FGF14: variants seen among roughly 807,000 people sequenced by gnomAD.
FGF14 encodes fibroblast growth factor homologous factor 4.
In FGF14, 5 loss-of-function variants were observed where a neutral mutation model predicts 25.5. The ratio of observed to expected loss-of-function variants is 0.20; its 90% CI spans 0.10 to 0.41. The LOEUF is 0.41. FGF14 is among the 10% of genes least tolerant of loss of function. The probability of loss-of-function intolerance (pLI) is 1.00; values close to 1 mark genes in which losing one functional copy is unlikely to be tolerated. For missense variants in FGF14, 222 were observed against 320.1 expected (o/e 0.69, Z 2.34); for synonymous variants, 138 against 118.3 (o/e 1.17, Z -1.08).
intron 1 of FGF14, among the ~76,000 whole-genome samples, chr13:102,344,556 A>C (rs1351288716): frequency 6.6e-6 from 1 of 152,262 alleles, no homozygotes. Context: ...ATTTGCTCTC[A>C]TATCCTGTTT....
Position 101,716,468 on chromosome 13 carries a change from T to C in FGF14, c.*6363A>G, listed in dbSNP as rs2034726851. 6.6e-6 allele frequency: 1 copy of C among 152,186 alleles called. No homozygotes were observed. Among genetic ancestry groups the C allele is most frequent in the Non-Finnish European group, 1.5e-5 (1 of 68,020 alleles). The allele number at this position is 152,186 out of a possible 1,614,324, so 9.4% of individuals were successfully genotyped here. ...TATACTCTGTGTCAGTATATATATC[T>C]ACTGATAATTAAAAATGAATTGTTA... On this transcript the variant is annotated 3_prime_UTR_variant, in exon 5 of 5. Transcript: ENST00000376143.
chr13:101,952,788 T>C (rs1384471634), intron 1 of FGF14, among the ~76,000 whole-genome samples: 2 of 152,164 alleles, frequency 1.3e-5, no homozygotes, highest in Non-Finnish European at 2.9e-5. Context: ...CCCAGCACTT[T>C]AGGAGGCCAA....
At chr13:102,200,962 C>T (rs973914332) in intron 1 of FGF14, among the ~76,000 whole-genome samples, 2 of 151,678 alleles carry the variant, frequency 1.3e-5, no homozygotes, top group Non-Finnish European at 2.9e-5. Flanking sequence ...ATTAGCCAGG[C>T]GTGGTGGGGG....
chr13:101,775,320 T>C (rs1042387773), intron 3 of FGF14, among the ~76,000 whole-genome samples: 1 of 152,138 alleles, frequency 6.6e-6, no homozygotes, highest in Non-Finnish European at 1.5e-5. Flanking sequence ...ACTTAGCAAT[T>C]TGATGAACCT....
At position 101,722,724 on chromosome 13, in the gene FGF14, T is replaced by C; in HGVS notation, c.*107A>G. The C allele has an allele frequency of 6.8e-7, 1 of 1,472,566 alleles. No individual in the cohort carries two copies. The highest frequency in any genetic ancestry group is 9.4e-7 in the Non-Finnish European group (1 of 1,059,216). The allele number at this position is 1,472,566 out of a possible 1,614,324, so 91.2% of individuals were successfully genotyped here. On this transcript the variant is annotated 3_prime_UTR_variant, in exon 5 of 5. Transcript: ENST00000376143. ...TTCGGAGACAGCAAAGAATAAGCAT[T>C]AGCTTACTTCCTGCTGCTCTTCAGC...
intron 1 of FGF14, among the ~76,000 whole-genome samples, chr13:102,198,921 CTT>C (rs925129569): frequency 3.9e-5 from 6 of 152,214 alleles, no homozygotes; most frequent in African/African-American, 1.4e-4. Context: ...ACTCCTCACT[CTT>C]TGTCAAACTC....
At chr13:102,142,255 T>G (rs757600683) in intron 1 of FGF14, among the ~76,000 whole-genome samples, 1 of 152,180 alleles carries the variant, frequency 6.6e-6, no homozygotes, top group Non-Finnish European at 1.5e-5. Flanking sequence ...TTGCAAATAT[T>G]AGATATATAT....
rs199886185 is a variant in FGF14 at position 101,783,958 on chromosome 13, TTTG to T, written c.409-57151_409-57149del. On this transcript the variant is annotated intron_variant, in intron 3 of 4. Transcript: ENST00000376143. ...GAATGAATCCTTTCCCCATTGCTTTTTTGTTGTTGTTGTTAGGTTTGTCAAAGA... is the reference window on the plus strand; with the variant it reads ...GAATGAATCCTTTCCCCATTGCTTTTTTGTTGTTGTTAGGTTTGTCAAAGA... Among the ~76,000 whole-genome samples, 70 of 152,284 alleles carry T rather than the reference TTTG, an allele frequency of 4.6e-4. No individual in the cohort carries two copies. In the East Asian group the frequency reaches 9.1e-3, roughly 20 times the overall value.
In FGF14 at chr13:102,356,248, T is replaced by C. The variant is rs533766834; in HGVS notation, c.208+45223A>G. ...GCTAGACCCAGAAAACATCACTTCT[T>C]CCTTAATACAATTCTTTGCTCCTTA... On this transcript the variant is annotated intron_variant, in intron 1 of 4. Coordinates refer to the FGF14 transcript ENST00000376131. Among the ~76,000 whole-genome samples the C allele has an allele frequency of 3.9e-5, 6 of 152,342 alleles. No homozygotes were observed. In the East Asian group the frequency reaches 1.2e-3, roughly 29 times the overall value.
At chr13:102,356,976 G>C (rs940044729) in intron 1 of FGF14, among the ~76,000 whole-genome samples, 1 of 147,928 alleles carries the variant, frequency 6.8e-6, no homozygotes, top group African/African-American at 2.5e-5. Context: ...CATATCTGTA[G>C]ATACTTCTTA....
intron 3 of FGF14, among the ~76,000 whole-genome samples, chr13:101,753,803 C>CAA (rs34402522): frequency 1.2e-3 from 137 of 110,608 alleles, no homozygotes; most frequent in African/African-American, 2.4e-3. Context: ...AACTCCGTCT[C>CAA]AAAAAAAAAA....
intron 1 of FGF14, among the ~76,000 whole-genome samples, chr13:102,345,352 T>A (rs895202090): frequency 2.0e-5 from 3 of 152,256 alleles, no homozygotes; most frequent in African/African-American, 2.4e-5. Context: ...GCAAATGCGA[T>A]GATGAGTTTA....
intron 1 of FGF14, among the ~76,000 whole-genome samples, chr13:102,393,537 G>A (rs1038753088): frequency 3.9e-5 from 6 of 152,074 alleles, no homozygotes; most frequent in African/African-American, 1.4e-4. Flanking sequence ...TTTCCCAATA[G>A]CATGGATATG....
At chr13:101,908,101 G>A (rs1295759408) in intron 1 of FGF14, among the ~76,000 whole-genome samples, 1 of 152,114 alleles carries the variant, frequency 6.6e-6, no homozygotes, top group Admixed American at 6.5e-5. Flanking sequence ...TTGAAGGGAA[G>A]TAAGGTAAGA....
At chr13:102,194,667 A>G (rs1173648562) in intron 1 of FGF14, among the ~76,000 whole-genome samples, 1 of 152,232 alleles carries the variant, frequency 6.6e-6, no homozygotes, top group African/African-American at 2.4e-5. Flanking sequence ...AGAAGAAGTA[A>G]AAGAGAAAAA....
chr13:101,888,884 T>A (rs1277287147), intron 1 of FGF14, among the ~76,000 whole-genome samples: 2 of 152,188 alleles, frequency 1.3e-5, no homozygotes, highest in African/African-American at 4.8e-5. Flanking sequence ...AAAACTCATA[T>A]GTTGAAGTCT....
chr13:102,004,312 G>T (rs1420149911), intron 1 of FGF14, among the ~76,000 whole-genome samples: 1 of 152,138 alleles, frequency 6.6e-6, no homozygotes, highest in African/African-American at 2.4e-5. Flanking sequence ...AGTCACTTCA[G>T]AATGTTATGT....
At chr13:102,236,891 G>A (rs1435237992) in intron 1 of FGF14, among the ~76,000 whole-genome samples, 1 of 152,138 alleles carries the variant, frequency 6.6e-6, no homozygotes, top group Non-Finnish European at 1.5e-5. Flanking sequence ...AGCCAGGCTG[G>A]AGAGTGCTGA....
At chr13:102,379,310 A>G (rs1205058446) in intron 1 of FGF14, among the ~76,000 whole-genome samples, 1 of 152,084 alleles carries the variant, frequency 6.6e-6, no homozygotes, top group Non-Finnish European at 1.5e-5. Context: ...CAAGGCATCA[A>G]GCAGTATGTC....
Sources: allele counts gnomAD v4.1 joint callset (sites outside exome capture counted in the v4.1 genomes callset), GRCh38; gene constraint gnomAD v4.1.1; transcripts MANE v1.5; gene names NCBI Gene and HGNC (gene_info 2026-07-23, HGNC 2026-07-21).